The following IQGAP3 variants were observed in gnomAD, a reference collection of about 807,000 sequenced individuals.
IQGAP3 encodes the protein IQ motif containing GTPase activating protein 3.
IQGAP3 carries 165 observed loss-of-function variants against 208.2 expected under a neutral mutation model. The observed-to-expected ratio is 0.79, with a 90% CI of 0.70 to 0.90. The LOEUF (loss-of-function observed/expected upper bound fraction) is 0.90, where lower values mean the gene tolerates loss of function less well. Ranked by LOEUF, IQGAP3 falls within the 40% of genes least tolerant of loss-of-function variation. The pLI, the probability that IQGAP3 is intolerant of heterozygous loss-of-function variation, is 0.00. For synonymous variants in IQGAP3, 703 were observed against 803.6 expected (o/e 0.87, Z 2.12); for missense variants, 1,811 against 2,043.1 (o/e 0.89, Z 2.19).
At chr1:156,566,176 A>G in intron 3 of IQGAP3, 72 bp from the exon 4 acceptor site, 1 of 1,425,266 alleles carries the variant, frequency 7.0e-7, no homozygotes, top group Non-Finnish European at 9.9e-7. Context: ...CCCAGACTAC[A>G]GCTTAAAGAT....
intron 12 of IQGAP3, 83 bp from the exon 13 acceptor site, chr1:156,554,475 T>C: frequency 7.3e-7 from 1 of 1,364,378 alleles, no homozygotes; most frequent in Non-Finnish European, 9.8e-7. Context: ...CCAAGGTTCT[T>C]GAATATCCCA....
chr1:156,555,906 G>A (rs914211539), intron 12 of IQGAP3, among the ~76,000 whole-genome samples: 2 of 152,212 alleles, frequency 1.3e-5, no homozygotes, highest in African/African-American at 4.8e-5. Context: ...CCTGAGGGCT[G>A]TGCCTGTATC....
intron 23 of IQGAP3, among the ~76,000 whole-genome samples, 200 bp from the exon 24 acceptor site, chr1:156,540,190 C>A (rs1205223635): frequency 6.6e-6 from 1 of 152,138 alleles, no homozygotes; most frequent in Non-Finnish European, 1.5e-5. Context: ...CCTCTCCTGT[C>A]ATGGGAGTGA....
chr1:156,550,472 C>T, intron 15 of IQGAP3, 121 bp from the exon 16 acceptor site: 1 of 691,946 alleles, frequency 1.4e-6, no homozygotes, highest in Middle Eastern at 3.0e-4. Context: ...GGACAGTGAT[C>T]TCCACTCAGC....
intron 12 of IQGAP3, among the ~76,000 whole-genome samples, chr1:156,556,167 G>A (rs1021351614): frequency 1.3e-5 from 2 of 152,202 alleles, no homozygotes; most frequent in Non-Finnish European, 2.9e-5. Context: ...GAAGAACTAT[G>A]GATTGGGATG....
chr1:156,567,966 G>A (rs1676482058), intron 2 of IQGAP3, among the ~76,000 whole-genome samples: 1 of 152,176 alleles, frequency 6.6e-6, no homozygotes, highest in African/African-American at 2.4e-5. Context: ...GAAAGTTAAT[G>A]GGAAATTTTA....
At position 156,554,303 on chromosome 1, in the gene IQGAP3, A is replaced by G; in HGVS notation, c.1380T>C (p.Ser460=). The change falls in exon 13 of 38, where the codon AGT becomes AGC. Residue 460 remains serine (S), a synonymous_variant. Coordinates refer to ENST00000361170, the MANE Select transcript of IQGAP3 (RefSeq NM_178229.5). ...GGTTCACCAGGCTGCTCCAGAAGCC[A>G]CTGGCATCCCGGGCCTCCAGGGCCC... ...INRALEARDA[S]GFWSSLVNPA... The G allele has an allele frequency of 6.2e-7, 1 of 1,614,192 alleles. No homozygotes were observed. The highest frequency in any genetic ancestry group is 8.5e-7 in the Non-Finnish European group (1 of 1,180,006).
At chr1:156,531,307 G>A (rs1025968999) in intron 32 of IQGAP3, 60 bp from the exon 33 acceptor site, 4 of 1,303,960 alleles carry the variant, frequency 3.1e-6, no homozygotes, top group African/African-American at 2.9e-5. Flanking sequence ...CCTGGACATG[G>A]GACTGGCCAG....
Position 156,563,577 on chromosome 1 carries a change from C to T in IQGAP3, c.595G>A (p.Glu199Lys). ...CCTGCAGCCTCATCCACCGAGAGCT[C>T]ATTGGCCAAGATGCCCCCGATCTTG... ...FSKIGGILANELSVDEAAVHA... is the reference protein window; with the variant it reads ...FSKIGGILANKLSVDEAAVHA... The change falls in exon 7 of 38, where the codon GAG becomes AAG. Residue 199 changes from glutamate to lysine, a missense_variant. Transcript: ENST00000361170. 1 of 1,613,840 alleles carries T rather than the reference C, an allele frequency of 6.2e-7. No homozygotes were observed. Among genetic ancestry groups the T allele is most frequent in the Non-Finnish European group, 8.5e-7 (1 of 1,179,914 alleles).
At chr1:156,563,880 T>G in intron 5 of IQGAP3, 56 bp from the exon 6 acceptor site, 6 of 1,450,478 alleles carry the variant, frequency 4.1e-6, no homozygotes, top group Non-Finnish European at 5.8e-6. Context: ...TTTGACACTC[T>G]GCCCACGATG....
intron 36 of IQGAP3, 61 bp downstream of exon 36, chr1:156,528,448 G>A: frequency 7.9e-7 from 1 of 1,266,386 alleles, no homozygotes; most frequent in Non-Finnish European, 1.1e-6. Flanking sequence ...CCAGCCCAGA[G>A]CTCCACCCCC....
intron 37 of IQGAP3, among the ~76,000 whole-genome samples, chr1:156,527,101 G>T (rs1193639149): frequency 6.6e-6 from 1 of 151,776 alleles, no homozygotes; most frequent in Admixed American, 6.6e-5. Context: ...AAAGTGCTGG[G>T]ATTACAGGCG....
intron 16 of IQGAP3, among the ~76,000 whole-genome samples, chr1:156,550,005 G>GCCA (rs1675468309): frequency 6.6e-6 from 1 of 152,198 alleles, no homozygotes; most frequent in African/African-American, 2.4e-5. Flanking sequence ...CAGGGAAAGT[G>GCCA]TTCACAGGAA....
chr1:156,530,391 G>A, intron 33 of IQGAP3, 74 bp from the exon 34 acceptor site: 1 of 1,321,474 alleles, frequency 7.6e-7, no homozygotes, highest in Middle Eastern at 2.6e-4. Context: ...AGGTCCCATG[G>A]GCACCAGCAA....
chr1:156,545,936 G>A (rs993770878), intron 19 of IQGAP3, among the ~76,000 whole-genome samples: 18 of 152,094 alleles, frequency 1.2e-4, no homozygotes, highest in African/African-American at 4.3e-4. Context: ...CCTTCCTAAA[G>A]CCAGTTCTGC....
chr1:156,552,687 G>A (rs1025613662), intron 13 of IQGAP3, among the ~76,000 whole-genome samples: 2 of 152,158 alleles, frequency 1.3e-5, no homozygotes, highest in Non-Finnish European at 2.9e-5. Flanking sequence ...TCTCTTGCCT[G>A]GATTACTCCA....
chr1:156,527,133 A>G (rs1195727007), intron 37 of IQGAP3, among the ~76,000 whole-genome samples: 1 of 151,768 alleles, frequency 6.6e-6, no homozygotes. Flanking sequence ...ACCCGGCCAA[A>G]ATCATTTTTC....
chr1:156,529,034 C>CCA lies in IQGAP3; in HGVS notation c.4451_4452dup (p.Val1485TrpfsTer2). 6.2e-7 allele frequency: 1 copy of CCA among 1,614,210 alleles called. No homozygotes were observed. Among genetic ancestry groups the CCA allele is most frequent in the Non-Finnish European group, 8.5e-7 (1 of 1,180,030 alleles). The stretch of plus-strand genomic sequence containing the variant: ...CCCTGTAATGTGGCCTGCAGCTTCA[C>CCA]CAGCTCTGCCTTCCGCCTGTGCCTG... On this transcript the variant is annotated frameshift_variant, in exon 35 of 38. Coordinates refer to ENST00000361170, the MANE Select transcript of IQGAP3 (RefSeq NM_178229.5). LOFTEE classifies it high-confidence loss of function.
At chr1:156,570,388 C>A (rs72996694) in intron 1 of IQGAP3, among the ~76,000 whole-genome samples, 9,262 of 152,180 alleles carry the variant, frequency 0.061, 980 homozygotes, top group African/African-American at 0.21. Context: ...AAAAAATACA[C>A]AAATTAGCCT....
Sources: allele counts gnomAD v4.1 joint callset (sites outside exome capture counted in the v4.1 genomes callset), GRCh38; gene constraint gnomAD v4.1.1; transcripts MANE v1.5; gene names NCBI Gene and HGNC (gene_info 2026-07-23, HGNC 2026-07-21).